PTPRG: variants seen among roughly 807,000 people sequenced by gnomAD.
The protein encoded by PTPRG is protein tyrosine phosphatase receptor type G.
PTPRG carries 102 observed loss-of-function variants against 165.3 expected under a neutral mutation model. The ratio of observed to expected loss-of-function variants is 0.62; its 90% CI spans 0.53 to 0.73. The LOEUF is 0.73. PTPRG is among the 30% of genes least tolerant of loss of function. The pLI, the probability that PTPRG is intolerant of heterozygous loss-of-function variation, is 0.00. For synonymous variants in PTPRG, 675 were observed against 669.5 expected, an observed-to-expected ratio of 1.01 and a Z score of -0.13; for missense variants, 1,866 against 1,861.4, an observed-to-expected ratio of 1.00 and a Z score of -0.05.
intron 2 of PTPRG, among the ~76,000 whole-genome samples, chr3:61,812,871 G>A (rs530595005): frequency 1.3e-5 from 2 of 152,218 alleles, no homozygotes; most frequent in African/African-American, 2.4e-5. Context: ...AATATTTAAT[G>A]TGCTCCTACT....
At chr3:61,897,311 T>G (rs1413764415) in intron 2 of PTPRG, among the ~76,000 whole-genome samples, 2 of 146,302 alleles carry the variant, frequency 1.4e-5, no homozygotes, top group African/African-American at 5.5e-5. Context: ...TTTTTTTGCC[T>G]AAGGTTTTCC....
chr3:61,719,056 C>T (rs1164391579), intron 1 of PTPRG, among the ~76,000 whole-genome samples: 1 of 152,118 alleles, frequency 6.6e-6, no homozygotes, highest in Non-Finnish European at 1.5e-5. Flanking sequence ...AATTCCCAAA[C>T]CTCATTTTAG....
intron 2 of PTPRG, among the ~76,000 whole-genome samples, chr3:61,902,911 G>C (rs1311194376): frequency 6.6e-6 from 1 of 152,098 alleles, no homozygotes; most frequent in Non-Finnish European, 1.5e-5. Context: ...CTGCCATCTT[G>C]GTAACTAGGA....
intron 1 of PTPRG, among the ~76,000 whole-genome samples, chr3:61,584,466 G>A (rs1474358642): frequency 2.0e-5 from 3 of 151,972 alleles, no homozygotes; most frequent in African/African-American, 7.3e-5. Flanking sequence ...TGGCATTATT[G>A]GACAGCAAGT....
chr3:62,055,374 G>C (rs1315412894), intron 4 of PTPRG, among the ~76,000 whole-genome samples: 1 of 152,200 alleles, frequency 6.6e-6, no homozygotes, highest in African/African-American at 2.4e-5. Context: ...ATGCTAATGA[G>C]AGAACAGCTA....
chr3:61,994,055 T>G (rs1250705672), intron 3 of PTPRG, among the ~76,000 whole-genome samples: 1 of 152,242 alleles, frequency 6.6e-6, no homozygotes, highest in Non-Finnish European at 1.5e-5. Context: ...ATAGCATCTC[T>G]CTATTTCTTC....
chr3:61,902,501 C>T (rs1431043406), intron 2 of PTPRG, among the ~76,000 whole-genome samples: 1 of 152,098 alleles, frequency 6.6e-6, no homozygotes, highest in African/African-American at 2.4e-5. Flanking sequence ...TTATGTACCC[C>T]TAAGGAAGAA....
chr3:61,860,230 G>A (rs895416815), intron 2 of PTPRG, among the ~76,000 whole-genome samples: 1 of 152,028 alleles, frequency 6.6e-6, no homozygotes, highest in Non-Finnish European at 1.5e-5. Context: ...CACTAAGAAG[G>A]GAATCCTTCC....
At chr3:61,624,212 G>A (rs1322318667) in intron 1 of PTPRG, among the ~76,000 whole-genome samples, 1 of 152,098 alleles carries the variant, frequency 6.6e-6, no homozygotes, top group African/African-American at 2.4e-5. Context: ...CTTAATAGCT[G>A]CGAACCGGAG....
chr3:61,779,152 T>A (rs1005370265), intron 2 of PTPRG, among the ~76,000 whole-genome samples: 1 of 152,228 alleles, frequency 6.6e-6, no homozygotes, highest in Non-Finnish European at 1.5e-5. Flanking sequence ...TGGTCAGTCA[T>A]GTTGCTCTTT....
At chr3:62,149,377 G>T (rs1704241915) in intron 6 of PTPRG, among the ~76,000 whole-genome samples, 1 of 150,540 alleles carries the variant, frequency 6.6e-6, no homozygotes, top group Non-Finnish European at 1.5e-5. Context: ...CAGTTCAAGC[G>T]ATTTTCCTGC....
chr3:61,819,372 T>C (rs1242727309), intron 2 of PTPRG, among the ~76,000 whole-genome samples: 1 of 152,194 alleles, frequency 6.6e-6, no homozygotes, highest in Non-Finnish European at 1.5e-5. Flanking sequence ...TTGCTAATTG[T>C]TCTTTCTCTT....
At position 62,294,720 on chromosome 3, in the gene PTPRG, G is replaced by A. The variant is rs1214068920; in HGVS notation, c.*1413G>A. 1.3e-5 allele frequency: 2 copies of A among 152,034 alleles called. No individual in the cohort carries two copies. Among genetic ancestry groups the A allele is most frequent in the Non-Finnish European group, 2.9e-5 (2 of 67,974 alleles). 9.4% of individuals were successfully genotyped at this position (152,034 alleles called of 1,614,324 possible). ...CTTACTGAGATCTGTTTCTTCTATTGCATGTTTGCTTTTGAGGGACAGCTT... is the reference window on the plus strand; with the variant it reads ...CTTACTGAGATCTGTTTCTTCTATTACATGTTTGCTTTTGAGGGACAGCTT... On this transcript the variant is annotated 3_prime_UTR_variant, in exon 30 of 30. Transcript: ENST00000474889.
In PTPRG at chr3:61,897,177, C is replaced by T. The variant is rs1345000149; in HGVS notation, c.191-92448C>T. On this transcript the variant is annotated intron_variant, in intron 2 of 29. Transcript: ENST00000474889. ...ACTAAGAATGTAGGGCTTAGCCCTACGTTACCAAGATTCTCTCCTATGTTT... is the reference window on the plus strand; with the variant it reads ...ACTAAGAATGTAGGGCTTAGCCCTATGTTACCAAGATTCTCTCCTATGTTT... Among the ~76,000 whole-genome samples, 7 of 152,072 alleles carry T rather than the reference C, an allele frequency of 4.6e-5. No individual in the cohort carries two copies. The East Asian group carries it at 5.8e-4, about 13-fold the overall frequency.
chr3:61,643,782 G>A (rs1271944609), intron 1 of PTPRG, among the ~76,000 whole-genome samples: 2 of 151,736 alleles, frequency 1.3e-5, no homozygotes, highest in South Asian at 2.1e-4. Context: ...AAACAAAAAA[G>A]CACCCACTGT....
chr3:61,812,850 C>G (rs2107216188), intron 2 of PTPRG, among the ~76,000 whole-genome samples: 1 of 152,348 alleles, frequency 6.6e-6, no homozygotes, highest in African/African-American at 2.4e-5. Context: ...AACTGTCTTG[C>G]TGGTTTGATG....
At chr3:61,614,779 G>T (rs1701259897) in intron 1 of PTPRG, among the ~76,000 whole-genome samples, 1 of 152,130 alleles carries the variant, frequency 6.6e-6, no homozygotes, top group Non-Finnish European at 1.5e-5. Flanking sequence ...AAATATAGAA[G>T]GAATTTTAGA....
Position 61,682,359 on chromosome 3 carries a change from T to G in PTPRG, c.86-66519T>G, listed in dbSNP as rs556980184. The stretch of plus-strand genomic sequence containing the variant: ...TCCAAGGGGCATGATATCTTCAAGC[T>G]ATTCTCAAATGGTTGAGGAATAAAT... On this transcript the variant is annotated intron_variant, in intron 1 of 29. Transcript: ENST00000474889. 2.6e-4 allele frequency among the ~76,000 whole-genome samples: 39 copies of G among 152,320 alleles called. 1 individual carries two copies. The highest frequency in any genetic ancestry group is 8.9e-4 in the African/African-American group (37 of 41,570).
chr3:62,133,866 C>T (rs1576044750), intron 6 of PTPRG, among the ~76,000 whole-genome samples: 1 of 152,082 alleles, frequency 6.6e-6, no homozygotes, highest in South Asian at 2.1e-4. Flanking sequence ...GCCTATAATC[C>T]CAGCTACTCG....
Sources: gnomAD v4.1 joint callset for allele counts (sites outside exome capture counted in the v4.1 genomes callset) on GRCh38, gnomAD v4.1.1 for gene constraint, MANE v1.5 for transcripts, NCBI Gene and HGNC (gene_info 2026-07-23, HGNC 2026-07-21) for gene names.